PLCG2: variants seen among roughly 807,000 people sequenced by gnomAD.
PLCG2 encodes the protein 1-phosphatidylinositol 4,5-bisphosphate phosphodiesterase gamma-2.
PLCG2 carries 69 observed loss-of-function variants against 175.6 expected under a neutral mutation model. The observed-to-expected ratio is 0.39, with a 90% CI of 0.32 to 0.48. The LOEUF is 0.48. PLCG2 is among the 20% of genes least tolerant of loss of function. PLCG2 has a pLI of 0.91. For missense variants in PLCG2, 1,798 were observed against 1,650.9 expected (o/e 1.09, Z -1.54); for synonymous variants, 827 against 624.0 (o/e 1.33, Z -4.85).
intron 2 of PLCG2, among the ~76,000 whole-genome samples, chr16:81,838,857 C>G (rs1377035759): frequency 1.3e-5 from 2 of 150,984 alleles, no homozygotes; most frequent in African/African-American, 2.4e-5. Context: ...ATGTAAGGCT[C>G]AAGGCTTTAA....
intron 7 of PLCG2, among the ~76,000 whole-genome samples, chr16:81,872,213 A>C (rs1907549717): frequency 6.6e-6 from 1 of 152,150 alleles, no homozygotes; most frequent in South Asian, 2.1e-4. Flanking sequence ...CCGTAATCCC[A>C]GCTACTTGGG....
At chr16:81,842,223 A>G (rs1383202797) in intron 2 of PLCG2, among the ~76,000 whole-genome samples, 1 of 152,182 alleles carries the variant, frequency 6.6e-6, no homozygotes, top group Non-Finnish European at 1.5e-5. Context: ...TTCCCAGGTG[A>G]GCTCCAGTCT....
At chr16:81,939,804 G>A (rs1468486505) in intron 29 of PLCG2, 88 bp from the exon 30 acceptor site, 15 of 826,554 alleles carry the variant, frequency 1.8e-5, no homozygotes, top group Non-Finnish European at 2.9e-5. Context: ...GGTTGCTAAG[G>A]GGATTCACAG....
In PLCG2 at chr16:81,931,571, G is replaced by A; in HGVS notation, c.2656G>A (p.Val886Met). The A allele has an allele frequency of 1.9e-6, 3 of 1,614,118 alleles. No individual in the cohort carries two copies. The highest frequency in any genetic ancestry group is 2.5e-6 in the Non-Finnish European group (3 of 1,180,000). Residue 886 changes from valine to methionine, a missense_variant, in exon 25 of 33, where the codon GTG (valine) becomes ATG (methionine). By Grantham distance (21) the Val-to-Met change is conservative. Coordinates refer to ENST00000564138, the MANE Select transcript of PLCG2 (RefSeq NM_002661.5). ...LEPKQQGDPP[V>M]EFATDRVEEL... ...GCCCAAGCAGCAGGGCGATCCTCCG[G>A]TGGAGTTTGCCACAGACAGGGTGGA...
intron 11 of PLCG2, among the ~76,000 whole-genome samples, chr16:81,893,186 G>A (rs1297558271): frequency 1.3e-5 from 2 of 152,200 alleles, no homozygotes; most frequent in African/African-American, 4.8e-5. Context: ...AAAAAGTTGG[G>A]GTGAATCATG....
chr16:81,865,351 C>T (rs1179766092), intron 5 of PLCG2, among the ~76,000 whole-genome samples: 24 of 152,050 alleles, frequency 1.6e-4, no homozygotes, highest in Admixed American at 1.1e-3. Context: ...CTGTGCAGCA[C>T]GACACACACA....
At chr16:81,891,182 A>T (rs1908613736) in intron 10 of PLCG2, among the ~76,000 whole-genome samples, 1 of 152,146 alleles carries the variant, frequency 6.6e-6, no homozygotes, top group African/African-American at 2.4e-5. Flanking sequence ...AGAAAGAAAA[A>T]CCAACAACAA....
chr16:81,787,188 C>A (rs144374360), intron 2 of PLCG2, among the ~76,000 whole-genome samples: 4 of 151,710 alleles, frequency 2.6e-5, no homozygotes, highest in Non-Finnish European at 5.9e-5. Flanking sequence ...TGTTATTATT[C>A]GAAGTGACTA....
chr16:81,781,189 C>T (rs1233110484), intron 1 of PLCG2, among the ~76,000 whole-genome samples: 1 of 152,228 alleles, frequency 6.6e-6, no homozygotes, highest in African/African-American at 2.4e-5. Context: ...TAACCACTCT[C>T]CTGGATTTAC....
At chr16:81,752,489 G>A (rs755488703) in intron 1 of PLCG2, among the ~76,000 whole-genome samples, 5 of 152,152 alleles carry the variant, frequency 3.3e-5, no homozygotes, top group African/African-American at 1.2e-4. Context: ...AGCTGGGGGC[G>A]GAGCAGGCCT....
chr16:81,935,479 T>A, intron 26 of PLCG2: 4 of 968,600 alleles, frequency 4.1e-6, no homozygotes, highest in Non-Finnish European at 3.7e-6. Context: ...TTTTTGATGA[T>A]GCTGTACGTA....
chr16:81,759,446 C>T (rs1311641516), intron 2 of PLCG2, among the ~76,000 whole-genome samples: 1 of 152,134 alleles, frequency 6.6e-6, no homozygotes, highest in African/African-American at 2.4e-5. Context: ...GTAATATCTG[C>T]ACTGCTGCAG....
chr16:81,843,384 T>C (rs1246835427), intron 2 of PLCG2, among the ~76,000 whole-genome samples: 1 of 152,200 alleles, frequency 6.6e-6, no homozygotes, highest in Non-Finnish European at 1.5e-5. Flanking sequence ...CTTAGCTGAA[T>C]CCAGTACATT....
In PLCG2 at chr16:81,960,381, G is replaced by A. The variant is rs1223486039; in HGVS notation, c.*2383G>A. The stretch of plus-strand genomic sequence containing the variant: ...TAGTAACAGGCACATTCTGAAAGAT[G>A]GAAGCAGCACTGATAGATCAAAACC... On this transcript the variant is annotated 3_prime_UTR_variant, in exon 33 of 33. Coordinates refer to ENST00000564138, the MANE Select transcript of PLCG2 (RefSeq NM_002661.5). The A allele has an allele frequency of 4.5e-6, 1 of 220,768 alleles. No homozygotes were observed. Among genetic ancestry groups the A allele is most frequent in the Non-Finnish European group, 9.1e-6 (1 of 110,470 alleles). 13.7% of individuals were successfully genotyped at this position (220,768 alleles called of 1,614,324 possible).
intron 21 of PLCG2, 125 bp downstream of exon 21, chr16:81,921,394 T>TC (rs1567533647): frequency 1.4e-6 from 1 of 699,858 alleles, no homozygotes; most frequent in Non-Finnish European, 2.6e-6. Flanking sequence ...CAAAATAATT[T>TC]TTTTTTTTTT....
intron 19 of PLCG2, among the ~76,000 whole-genome samples, chr16:81,915,384 G>A (rs759083964): frequency 2.6e-5 from 4 of 152,206 alleles, no homozygotes; most frequent in African/African-American, 9.7e-5. Context: ...CAAAGGAAGT[G>A]TTGAGTTGTT....
intron 5 of PLCG2, among the ~76,000 whole-genome samples, chr16:81,860,143 CTAT>C (rs763477650): frequency 3.0e-4 from 38 of 126,440 alleles, no homozygotes; most frequent in East Asian, 1.7e-3. Context: ...GGCTTATTTA[CTAT>C]TATTATTATT....
In PLCG2 at chr16:81,875,079, T is replaced by C. The variant is rs1269873073; in HGVS notation, c.648+4144T>C. ...TCCGGGTTCAAGCGATTCTCCTGCCTCAGCCTTCTGAGTAGCTGGGATTAC... is the reference window on the plus strand; with the variant it reads ...TCCGGGTTCAAGCGATTCTCCTGCCCCAGCCTTCTGAGTAGCTGGGATTAC... On this transcript the variant is annotated intron_variant, in intron 7 of 32. Coordinates refer to ENST00000564138, the MANE Select transcript of PLCG2 (RefSeq NM_002661.5). 1.3e-5 allele frequency among the ~76,000 whole-genome samples: 2 copies of C among 149,446 alleles called. 1 individual carries two copies. The highest frequency in any genetic ancestry group is 3.0e-5 in the Non-Finnish European group (2 of 67,500).
rs759254874 is a variant in PLCG2 at position 81,858,272 on chromosome 16, A to T, written c.347A>T (p.Lys116Ile). 4 of 1,611,920 alleles carry T rather than the reference A, an allele frequency of 2.5e-6. No individual in the cohort carries two copies. The highest frequency in any genetic ancestry group is 3.4e-6 in the Non-Finnish European group (4 of 1,177,966). ...LSTLSLAADS[K>I]EDAVNWLSGL... ...CCTTTCTCCACTCCAGCTGACTCTAAAGAGGATGCAGTTAACTGGCTCTCT... is the reference window on the plus strand; with the variant it reads ...CCTTTCTCCACTCCAGCTGACTCTATAGAGGATGCAGTTAACTGGCTCTCT... The change falls in exon 4 of 33, where the codon AAA becomes ATA. Residue 116 changes from lysine to isoleucine, a missense_variant. Transcript: ENST00000564138.
Sources: gnomAD v4.1 joint callset for allele counts (sites outside exome capture counted in the v4.1 genomes callset) on GRCh38, gnomAD v4.1.1 for gene constraint, MANE v1.5 for transcripts, NCBI Gene and HGNC (gene_info 2026-07-23, HGNC 2026-07-21) for gene names.